MGAM: variants seen among roughly 807,000 people sequenced by gnomAD.
The protein encoded by MGAM is alpha-1,4-glucosidase.
In MGAM, 253 loss-of-function variants were observed where a neutral mutation model predicts 358.8. The observed-to-expected ratio is 0.71, with a 90% CI of 0.64 to 0.78. MGAM has a LOEUF of 0.78. Ranked by LOEUF, MGAM falls within the 30% of genes least tolerant of loss-of-function variation. MGAM has a pLI of 0.00. For synonymous variants in MGAM, 1,105 were observed against 1,227.1 expected, an observed-to-expected ratio of 0.90 and a Z score of 2.08; for missense variants, 3,080 against 3,432.6, an observed-to-expected ratio of 0.90 and a Z score of 2.57.
At chr7:141,991,807 G>A (rs1215296351), upstream of MGAM, among the ~76,000 whole-genome samples, 1 of 152,076 alleles carries the variant, frequency 6.6e-6, no homozygotes, top group Admixed American at 6.6e-5. Flanking sequence ...AAGTAGACAT[G>A]CTTTTCTAAT....
chr7:142,093,572 C>T (rs751921238), intron 60 of MGAM, 22 bp downstream of exon 60: 1 of 1,492,512 alleles, frequency 6.7e-7, no homozygotes, highest in South Asian at 1.2e-5. Context: ...TCTCCCTTCT[C>T]CAGCTGTCAC....
rs1248973092 is a variant in MGAM at position 142,066,452 on chromosome 7, T to C, written c.4771-121T>C. ...TATTAAGAATATTCTCTGGGCCTCA[T>C]GTATAGTTTTCTTTTGTTTAGCTGT... is the stretch of plus-strand genomic sequence containing the variant. On this transcript the variant is annotated intron_variant, in intron 40 of 70. Transcript: ENST00000475668. The C allele has an allele frequency of 6.1e-6, 7 of 1,151,502 alleles. No homozygotes were observed. In the Middle Eastern group the frequency reaches 1.1e-3, roughly 181 times the overall value. 71.3% of individuals were successfully genotyped at this position (1,151,502 alleles called of 1,614,324 possible).
Position 142,096,463 on chromosome 7 carries a change from T to G in MGAM, c.7692+48T>G. 8 of 1,596,240 alleles carry G rather than the reference T, an allele frequency of 5.0e-6. No individual in the cohort carries two copies. The South Asian group carries it at 6.6e-5, about 13-fold the overall frequency. On this transcript the variant is annotated intron_variant, in intron 65 of 70. Coordinates refer to ENST00000475668, the MANE Select transcript of MGAM (RefSeq NM_001365693.1). ...AGGGGAGGATCCCAGCTGTGAGGCT[T>G]GGGGAAAAGGACGAGGAGAAGAGGC...
intron 46 of MGAM, 143 bp downstream of exon 46, chr7:142,076,395 A>C (rs1324324275): frequency 1.0e-6 from 1 of 987,896 alleles, no homozygotes; most frequent in Admixed American, 1.8e-5. Flanking sequence ...TTATGATTTC[A>C]TCGATGTTTT....
chr7:142,038,719 A>T, intron 19 of MGAM, 104 bp downstream of exon 19: 1 of 797,998 alleles, frequency 1.3e-6, no homozygotes, highest in East Asian at 2.9e-5. Context: ...GACATCTGTG[A>T]CTGAGTCAGC....
At position 142,081,444 on chromosome 7, in the gene MGAM, C is replaced by T. The variant is rs79705880; in HGVS notation, c.6002+499C>T. ...AAGGAGCCACCCACATGAGACAGGGCGAAGGGAAAGAGCATTTCAGACAGA... is the reference window on the plus strand; with the variant it reads ...AAGGAGCCACCCACATGAGACAGGGTGAAGGGAAAGAGCATTTCAGACAGA... On this transcript the variant is annotated intron_variant, in intron 50 of 70. Coordinates refer to ENST00000475668, the MANE Select transcript of MGAM (RefSeq NM_001365693.1). Among the ~76,000 whole-genome samples the T allele has an allele frequency of 0.011, 1,575 of 144,622 alleles. 197 individuals are homozygous for T. The East Asian group carries it at 0.12, about 11-fold the overall frequency. The allele number at this position is 144,622 out of a possible 152,430, so 94.9% of individuals were successfully genotyped here. A position where few individuals can be genotyped will look rare whatever the true frequency, so the allele number is the denominator to read the frequency against.
intron 34 of MGAM, 69 bp from the exon 35 acceptor site, chr7:142,062,499 C>G: frequency 6.5e-7 from 1 of 1,528,292 alleles, no homozygotes; most frequent in Non-Finnish European, 8.8e-7. Flanking sequence ...GAGTTGCATT[C>G]TCAGTAAGTG....
At chr7:142,042,797 T>A (rs1437928891) in intron 21 of MGAM, among the ~76,000 whole-genome samples, 2 of 75,598 alleles carry the variant, frequency 2.6e-5, no homozygotes, top group African/African-American at 1.0e-4. Context: ...TATATATACA[T>A]ATAATATCTA....
At chr7:142,079,646 T>C (rs1267325128) in intron 49 of MGAM, among the ~76,000 whole-genome samples, 1 of 146,352 alleles carries the variant, frequency 6.8e-6, no homozygotes, top group African/African-American at 2.4e-5. Context: ...TCTGCTTCTC[T>C]ATTAAACTAA....
chr7:142,066,711 C>T lies in MGAM; in HGVS notation c.4909C>T (p.Leu1637=), dbSNP rs1215621823. The T allele has an allele frequency of 1.3e-6, 2 of 1,555,346 alleles. No individual in the cohort carries two copies. Among genetic ancestry groups the T allele is most frequent in the Admixed American group, 1.7e-5 (1 of 58,208 alleles). Residue 1637 remains leucine (L), a synonymous_variant, in exon 41 of 71, where the codon CTG becomes TTG. Coordinates refer to ENST00000475668, the MANE Select transcript of MGAM (RefSeq NM_001365693.1). The part of the protein sequence containing the change: ...HTEGVTVVRP[L]LHEFVSDQVT... ...GGAGGGCGTCACTGTTGTGCGGCCT[C>T]TGCTCCATGAGTGAGTGTCCAGCAG...
Position 142,036,896 on chromosome 7 carries a change from A to C in MGAM, c.2150A>C (p.Tyr717Ser). The change falls in exon 18 of 71, where the codon TAT becomes TCT. Residue 717 changes from tyrosine to serine, a missense_variant. Tyr to Ser is a moderately radical substitution (Grantham distance 144). Coordinates refer to ENST00000475668, the MANE Select transcript of MGAM (RefSeq NM_001365693.1). ...NSSRHYLNIRYTLLPYLYTLF... is the reference protein window; with the variant it reads ...NSSRHYLNIRSTLLPYLYTLF... Reference sequence around the variant, plus strand: ...TCCAGGCACTACCTTAACATCCGCTATACTCTATTGCCCTACCTATACACC... The same window carrying C: ...TCCAGGCACTACCTTAACATCCGCTCTACTCTATTGCCCTACCTATACACC... The C allele has an allele frequency of 6.2e-7, 1 of 1,613,624 alleles. No homozygotes were observed. The highest frequency in any genetic ancestry group is 8.5e-7 in the Non-Finnish European group (1 of 1,179,622).
intron 20 of MGAM, 131 bp downstream of exon 20, chr7:142,040,302 T>C (rs1214130281): frequency 1.4e-6 from 1 of 731,762 alleles, no homozygotes; most frequent in Non-Finnish European, 2.3e-6. Context: ...TGTAATTTCA[T>C]AGCAGAACCT....
intron 1 of MGAM, among the ~76,000 whole-genome samples, chr7:142,003,618 A>T (rs1554451411): frequency 6.6e-6 from 1 of 151,998 alleles, no homozygotes. Context: ...TCTAGGAAAC[A>T]CTCTCTGGAC....
At chr7:142,036,754 C>A in intron 17 of MGAM, 69 bp from the exon 18 acceptor site, 1 of 1,504,150 alleles carries the variant, frequency 6.6e-7, no homozygotes, top group South Asian at 1.2e-5. Flanking sequence ...TGAATGAGGT[C>A]TGGAATTCTG....
intron 10 of MGAM, 161 bp from the exon 11 acceptor site, chr7:142,030,201 C>A: frequency 2.2e-5 from 17 of 773,904 alleles, no homozygotes; most frequent in East Asian, 9.1e-5. Flanking sequence ...TTTTTGAAAT[C>A]AACATTGGAA....
intron 21 of MGAM, among the ~76,000 whole-genome samples, chr7:142,042,043 AATAT>A (rs1336308712): frequency 2.3e-5 from 1 of 42,820 alleles, no homozygotes; most frequent in Non-Finnish European, 3.7e-5. Flanking sequence ...ATATACATAT[AATAT>A]ATAATATATA....
Position 142,082,488 on chromosome 7 carries a change from C to T in MGAM, c.6185C>T (p.Ser2062Phe), listed in dbSNP as rs1374095421. 6.5e-7 allele frequency: 1 copy of T among 1,529,826 alleles called. No homozygotes were observed. Among genetic ancestry groups the T allele is most frequent in the Non-Finnish European group, 8.9e-7 (1 of 1,117,928 alleles). 94.8% of individuals were successfully genotyped at this position (1,529,826 alleles called of 1,614,324 possible). The change falls in exon 52 of 71, where the codon TCC (serine) becomes TTC (phenylalanine). Residue 2062 changes from serine to phenylalanine, a missense_variant. Ser to Phe is a radical substitution (Grantham distance 155, BLOSUM62 -2). This residue lies in a region of MGAM where 932 missense variants were observed against 1,198.2 expected (regional missense o/e 0.78). Coordinates refer to ENST00000475668, the MANE Select transcript of MGAM (RefSeq NM_001365693.1). ...RDQPPGYKKN[S>F]YGVHPYYMGL... is the part of the protein sequence containing the mutation. The stretch of plus-strand genomic sequence containing the variant: ...ATGACTCTCCAGTACAAGAAGAATT[C>T]CTATGGTGTCCACCCCTACTACATG...
chr7:142,025,562 G>C (rs1806886863), intron 8 of MGAM, among the ~76,000 whole-genome samples: 1 of 152,106 alleles, frequency 6.6e-6, no homozygotes, highest in Non-Finnish European at 1.5e-5. Flanking sequence ...GGTGGGCATA[G>C]GGTATTGATC....
intron 14 of MGAM, 131 bp from the exon 15 acceptor site, chr7:142,034,131 G>T: frequency 1.6e-6 from 1 of 624,716 alleles, no homozygotes. Flanking sequence ...AATAGTAAGG[G>T]AGCAGTGTGA....
Sources: gnomAD v4.1 joint callset for allele counts (sites outside exome capture counted in the v4.1 genomes callset) on GRCh38, gnomAD v4.1.1 for gene constraint, gnomAD v4.1.1 regional missense constraint, MANE v1.5 for transcripts, NCBI Gene and HGNC (gene_info 2026-07-23, HGNC 2026-07-21) for gene names.